C2CD3: variants seen among roughly 807,000 people sequenced by gnomAD.
The protein encoded by C2CD3 is C2 domain containing 3 centriole elongation regulator.
In C2CD3, 148 loss-of-function variants were observed where a neutral mutation model predicts 234.0. The ratio of observed to expected loss-of-function variants is 0.63; its 90% CI spans 0.55 to 0.72. The LOEUF is 0.72. Ranked by LOEUF, C2CD3 falls within the 30% of genes least tolerant of loss-of-function variation. C2CD3 has a pLI of 0.00. For synonymous variants in C2CD3, 1,000 were observed against 1,035.4 expected (o/e 0.97, Z 0.66); for missense variants, 2,577 against 2,811.5 (o/e 0.92, Z 1.89).
chr11:74,042,655 T>C (rs1163967216), intron 28 of C2CD3, among the ~76,000 whole-genome samples: 2 of 151,684 alleles, frequency 1.3e-5, no homozygotes, highest in Non-Finnish European at 2.9e-5. Context: ...CCAGAGGCCA[T>C]GGCAGGAGAA....
rs1464341427 is a variant in C2CD3 at position 74,122,931 on chromosome 11, TA to T, written c.1365+56del. On this transcript the variant is annotated intron_variant, in intron 8 of 32. Transcript: ENST00000334126. ...GCATAGCTGTCATGCCTGCAGCTAC[TA>T]ATATTATTAATACATTTGTTCTCTA... The T allele has an allele frequency of 6.7e-5, 66 of 979,952 alleles. No homozygotes were observed. The East Asian group carries it at 1.8e-3, about 27-fold the overall frequency. The allele number at this position is 979,952 out of a possible 1,614,324, so 60.7% of individuals were successfully genotyped here.
At chr11:74,048,377 T>C in intron 27 of C2CD3, 39 bp from the exon 28 acceptor site, 2 of 1,605,058 alleles carry the variant, frequency 1.2e-6, no homozygotes, top group Middle Eastern at 1.7e-4. Flanking sequence ...CTTGTCACCA[T>C]AAACCCATTC....
intron 26 of C2CD3, among the ~76,000 whole-genome samples, chr11:74,053,501 G>A (rs1953796043): frequency 6.6e-6 from 1 of 152,200 alleles, no homozygotes; most frequent in Non-Finnish European, 1.5e-5. Flanking sequence ...GCCTCTTAAT[G>A]TTGCTGTGTT....
Position 74,033,516 on chromosome 11 carries a change from G to C in C2CD3, c.6644C>G (p.Thr2215Ser), listed in dbSNP as rs1952602934. 6.5e-7 allele frequency: 1 copy of C among 1,536,054 alleles called. No individual in the cohort carries two copies. Among genetic ancestry groups the C allele is most frequent in the Admixed American group, 2.0e-5 (1 of 50,976 alleles). ...ATCAGCAGAGTCACCGAGCTCACTG[G>C]TGGCAGCTTCATTCTCAGCTGGGGC... ...SEAPAENEAA[T>S]SELGDSADSF... The change falls in exon 31 of 33, where the codon ACC becomes AGC. Residue 2215 changes from threonine to serine, a missense_variant. By Grantham distance (58) the Thr-to-Ser change is moderately conservative (BLOSUM62 1). Transcript: ENST00000334126.
At chr11:74,069,516 T>C (rs901470715) in intron 24 of C2CD3, among the ~76,000 whole-genome samples, 4 of 152,218 alleles carry the variant, frequency 2.6e-5, no homozygotes, top group African/African-American at 7.2e-5. Context: ...GCGTTACAGC[T>C]TGCACACTGT....
chr11:74,133,861 A>C (rs530121492), intron 5 of C2CD3, among the ~76,000 whole-genome samples: 1 of 152,264 alleles, frequency 6.6e-6, no homozygotes, highest in South Asian at 2.1e-4. Flanking sequence ...TGGTGCTTGT[A>C]CCTAATAAGG....
intron 23 of C2CD3, among the ~76,000 whole-genome samples, 178 bp from the exon 24 acceptor site, chr11:74,074,778 C>T (rs747447348): frequency 7.2e-5 from 11 of 152,108 alleles, no homozygotes; most frequent in Non-Finnish European, 1.6e-4. Context: ...TTTACCCTGC[C>T]CTAACTATCT....
chr11:74,125,532 C>T (rs1305915164), intron 7 of C2CD3, among the ~76,000 whole-genome samples: 1 of 151,986 alleles, frequency 6.6e-6, no homozygotes, highest in Non-Finnish European at 1.5e-5. Flanking sequence ...CTATGAACTT[C>T]CTATTATGAA....
chr11:74,102,190 G>A (rs1956340797), intron 14 of C2CD3, among the ~76,000 whole-genome samples: 1 of 152,192 alleles, frequency 6.6e-6, no homozygotes, highest in South Asian at 2.1e-4. Flanking sequence ...TTCTACTTAG[G>A]TGCCTGAGTA....
intron 24 of C2CD3, among the ~76,000 whole-genome samples, chr11:74,064,009 C>T (rs1954382386): frequency 6.6e-6 from 1 of 152,056 alleles, no homozygotes; most frequent in Non-Finnish European, 1.5e-5. Context: ...ATTAACTCAT[C>T]ATTTAGCATT....
chr11:74,077,819 A>ATGTG (rs1321995070), intron 23 of C2CD3, among the ~76,000 whole-genome samples: 1 of 23,648 alleles, frequency 4.2e-5, no homozygotes, highest in African/African-American at 2.6e-4. Context: ...ATATATATAT[A>ATGTG]TATATATATA....
intron 29 of C2CD3, among the ~76,000 whole-genome samples, chr11:74,038,303 A>C (rs1349889845): frequency 1.3e-5 from 2 of 152,238 alleles, no homozygotes; most frequent in African/African-American, 4.8e-5. Context: ...GACATAAATA[A>C]GTGATTTTAA....
chr11:74,133,342 C>T (rs1468247107), intron 6 of C2CD3, 83 bp downstream of exon 6: 2 of 1,202,692 alleles, frequency 1.7e-6, no homozygotes, highest in Non-Finnish European at 2.4e-6. Context: ...TCCAAGATTA[C>T]CTAGTCCATA....
At chr11:74,095,189 A>G in intron 17 of C2CD3, 39 bp downstream of exon 17, 1 of 1,353,574 alleles carries the variant, frequency 7.4e-7, no homozygotes, top group Non-Finnish European at 9.9e-7. Flanking sequence ...CTAATAAAAG[A>G]ACCATATAAG....
intron 28 of C2CD3, among the ~76,000 whole-genome samples, chr11:74,046,119 C>T (rs1001936858): frequency 2.6e-5 from 4 of 152,042 alleles, no homozygotes; most frequent in Non-Finnish European, 5.9e-5. Context: ...TTAAAGAATA[C>T]AATTTGATGA....
intron 11 of C2CD3, 147 bp downstream of exon 11, chr11:74,113,633 T>C (rs774018530): frequency 1.5e-5 from 10 of 659,496 alleles, no homozygotes; most frequent in Admixed American, 2.2e-5. Context: ...TGAGCAGAGA[T>C]TGCGCCACCA....
chr11:74,016,122 CT>C, intron 32 of C2CD3, among the ~76,000 whole-genome samples: 1 of 152,216 alleles, frequency 6.6e-6, no homozygotes, highest in East Asian at 1.9e-4. Flanking sequence ...TTTCAGGAGC[CT>C]AAGATCTAAT....
intron 7 of C2CD3, among the ~76,000 whole-genome samples, chr11:74,123,460 T>G (rs543048882): frequency 6.6e-6 from 1 of 152,286 alleles, no homozygotes; most frequent in Admixed American, 6.5e-5. Flanking sequence ...TGTACTCTTG[T>G]ATTATTTATA....
chr11:74,059,586 A>G (rs571246530), intron 24 of C2CD3, among the ~76,000 whole-genome samples: 48 of 152,212 alleles, frequency 3.2e-4, no homozygotes, highest in Non-Finnish European at 4.7e-4. Flanking sequence ...CATTCTGATG[A>G]ACAAATTCAC....
Sources: allele counts gnomAD v4.1 joint callset (sites outside exome capture counted in the v4.1 genomes callset), GRCh38; gene constraint gnomAD v4.1.1; transcripts MANE v1.5; gene names NCBI Gene and HGNC (gene_info 2026-07-23, HGNC 2026-07-21).